The following NTRK2 variants were observed in gnomAD, a reference collection of about 807,000 sequenced individuals.
NTRK2 encodes the protein neurotrophic receptor tyrosine kinase 2.
NTRK2 carries 13 observed loss-of-function variants against 94.5 expected under a neutral mutation model. That is an observed-to-expected ratio of 0.14 (90% CI 0.09 to 0.22). NTRK2 has a LOEUF of 0.22. NTRK2 is among the 10% of genes least tolerant of loss of function. NTRK2 has a pLI of 1.00. For synonymous variants in NTRK2, 372 were observed against 407.4 expected, an observed-to-expected ratio of 0.91 and a Z score of 1.05; for missense variants, 639 against 1,071.2, an observed-to-expected ratio of 0.60 and a Z score of 5.63.
At chr9:84,782,421 G>T (rs181390387) in intron 12 of NTRK2, among the ~76,000 whole-genome samples, 1 of 152,336 alleles carries the variant, frequency 6.6e-6, no homozygotes, top group East Asian at 1.9e-4. Flanking sequence ...TTGCTGGCAC[G>T]TTCTGCGGCT....
At chr9:84,871,091 T>C (rs961910923) in intron 14 of NTRK2, among the ~76,000 whole-genome samples, 1 of 152,168 alleles carries the variant, frequency 6.6e-6, no homozygotes, top group Non-Finnish European at 1.5e-5. Flanking sequence ...TGTTCCCTGC[T>C]CTCAAGGAGT....
intron 11 of NTRK2, among the ~76,000 whole-genome samples, chr9:84,749,093 T>C (rs1160446428): frequency 2.6e-5 from 4 of 152,114 alleles, no homozygotes; most frequent in Non-Finnish European, 5.9e-5. Context: ...CCAGGTGTGG[T>C]GGCACATGCC....
At chr9:85,010,537 T>C (rs894302689) in intron 17 of NTRK2, among the ~76,000 whole-genome samples, 15 of 152,228 alleles carry the variant, frequency 9.9e-5, no homozygotes, top group African/African-American at 3.1e-4. Flanking sequence ...CTGAGTGATG[T>C]GTAAACACAA....
intron 11 of NTRK2, among the ~76,000 whole-genome samples, chr9:84,745,776 T>C (rs921791056): frequency 4.6e-5 from 7 of 152,078 alleles, no homozygotes; most frequent in African/African-American, 1.7e-4. Context: ...GGTGCTTGAT[T>C]GGAGGGTAAG....
intron 12 of NTRK2, among the ~76,000 whole-genome samples, chr9:84,799,128 T>C (rs1184284419): frequency 6.6e-6 from 1 of 151,958 alleles, no homozygotes; most frequent in Non-Finnish European, 1.5e-5. Flanking sequence ...GTGGCTGTTC[T>C]CCATCTTCAC....
intron 2 of NTRK2, among the ~76,000 whole-genome samples, chr9:84,683,797 C>T (rs1430474759): frequency 6.6e-6 from 1 of 152,162 alleles, no homozygotes; most frequent in Non-Finnish European, 1.5e-5. Context: ...CTAATTTACA[C>T]TCGCACCCAC....
intron 17 of NTRK2, among the ~76,000 whole-genome samples, chr9:84,988,874 G>A (rs2133296684): frequency 6.6e-6 from 1 of 152,352 alleles, no homozygotes; most frequent in South Asian, 2.1e-4. Context: ...AAACACCAAG[G>A]AGCTGAGGCT....
intron 6 of NTRK2, among the ~76,000 whole-genome samples, chr9:84,711,878 T>C (rs915025998): frequency 6.6e-6 from 1 of 152,214 alleles, no homozygotes; most frequent in African/African-American, 2.4e-5. Context: ...GGTTTCATAA[T>C]GGGGGAATAA....
chr9:84,984,387 G>A (rs146245980), intron 17 of NTRK2, among the ~76,000 whole-genome samples: 164 of 152,230 alleles, frequency 1.1e-3, no homozygotes, highest in Non-Finnish European at 2.1e-3. Context: ...CATGAGAATC[G>A]CTTGAACCCG....
At chr9:84,697,651 A>G (rs188774353) in intron 2 of NTRK2, among the ~76,000 whole-genome samples, 7 of 152,192 alleles carry the variant, frequency 4.6e-5, no homozygotes, top group South Asian at 4.2e-4. Flanking sequence ...TGAGGCAGAG[A>G]GCAGGAGAGG....
intron 12 of NTRK2, among the ~76,000 whole-genome samples, chr9:84,848,434 T>A (rs1208721719): frequency 6.6e-6 from 1 of 152,196 alleles, no homozygotes. Context: ...ACTGTGAAGA[T>A]CACCTAGTTA....
At chr9:84,958,246 G>T (rs1824416081) in intron 17 of NTRK2, among the ~76,000 whole-genome samples, 1 of 151,680 alleles carries the variant, frequency 6.6e-6, no homozygotes, top group South Asian at 2.1e-4. Flanking sequence ...AAATATTTTG[G>T]TACCTGAATT....
At chr9:84,826,306 T>G (rs892816642) in intron 12 of NTRK2, among the ~76,000 whole-genome samples, 5 of 152,178 alleles carry the variant, frequency 3.3e-5, no homozygotes, top group African/African-American at 1.2e-4. Flanking sequence ...ATCACTCCAG[T>G]CACTGCAGCT....
intron 12 of NTRK2, among the ~76,000 whole-genome samples, chr9:84,802,968 G>C (rs2070683883): frequency 6.6e-6 from 1 of 152,134 alleles, no homozygotes; most frequent in Non-Finnish European, 1.5e-5. Context: ...CACGATCACT[G>C]GGGTTTAAGT....
Position 84,730,136 on chromosome 9 carries a change from T to C in NTRK2, c.1159+2177T>C, listed in dbSNP as rs1480259583. On this transcript the variant is annotated intron_variant, in intron 9 of 18. Transcript: ENST00000277120. Reference sequence around the variant, plus strand: ...TTCTTTCCATCTTCTTGTTCATGAATTTATTAGGTCCTTAAAATATTAATA... The same window carrying C: ...TTCTTTCCATCTTCTTGTTCATGAACTTATTAGGTCCTTAAAATATTAATA... Among the ~76,000 whole-genome samples, 11 of 152,378 alleles carry C rather than the reference T, an allele frequency of 7.2e-5. No homozygotes were observed. In the East Asian group the frequency reaches 2.1e-3, roughly 29 times the overall value.
chr9:84,917,890 G>A (rs2077443804), intron 14 of NTRK2, among the ~76,000 whole-genome samples: 1 of 152,162 alleles, frequency 6.6e-6, no homozygotes, highest in South Asian at 2.1e-4. Flanking sequence ...CTGGGAGGCA[G>A]CTTATTTCAC....
intron 12 of NTRK2, among the ~76,000 whole-genome samples, chr9:84,774,767 C>T (rs1034869442): frequency 1.3e-5 from 2 of 152,114 alleles, no homozygotes; most frequent in African/African-American, 4.8e-5. Flanking sequence ...TGTATTTAAC[C>T]ACAGAAATCT....
chr9:84,906,956 T>C (rs2077091985), intron 14 of NTRK2, among the ~76,000 whole-genome samples: 1 of 152,222 alleles, frequency 6.6e-6, no homozygotes, highest in African/African-American at 2.4e-5. Context: ...TGTTCCTTTT[T>C]CAAAAAGAAA....
At chr9:84,722,629 G>T (rs1418578746) in intron 6 of NTRK2, among the ~76,000 whole-genome samples, 1 of 152,090 alleles carries the variant, frequency 6.6e-6, no homozygotes, top group Non-Finnish European at 1.5e-5. Flanking sequence ...AGCAGGTCCT[G>T]ACATATTGTT....
Sources: gnomAD v4.1 joint callset for allele counts (sites outside exome capture counted in the v4.1 genomes callset) on GRCh38, gnomAD v4.1.1 for gene constraint, MANE v1.5 for transcripts, NCBI Gene and HGNC (gene_info 2026-07-23, HGNC 2026-07-21) for gene names.